CACNA2D1: variants seen among roughly 807,000 people sequenced by gnomAD.
CACNA2D1 encodes voltage-dependent calcium channel subunit alpha-2/delta-1.
In CACNA2D1, 53 loss-of-function variants were observed where a neutral mutation model predicts 171.5. The observed-to-expected ratio is 0.31, with a 90% CI of 0.25 to 0.39. The LOEUF is 0.39. CACNA2D1 is among the 10% of genes least tolerant of loss of function. The probability of loss-of-function intolerance (pLI) is 1.00; values close to 1 mark genes in which losing one functional copy is unlikely to be tolerated. For missense variants in CACNA2D1, 903 were observed against 1,299.8 expected, an observed-to-expected ratio of 0.69 and a Z score of 4.69; for synonymous variants, 442 against 443.1, an observed-to-expected ratio of 1.00 and a Z score of 0.03.
At chr7:82,119,857 TG>T (rs1789507725) in intron 5 of CACNA2D1, among the ~76,000 whole-genome samples, 1 of 152,190 alleles carries the variant, frequency 6.6e-6, no homozygotes, top group African/African-American at 2.4e-5. Flanking sequence ...TATCACAATT[TG>T]TATTTCTATC....
intron 1 of CACNA2D1, chr7:82,410,565 G>A: frequency 1.0e-6 from 1 of 980,408 alleles, no homozygotes. Flanking sequence ...CCAGGTGGCT[G>A]GCTTGCGACA....
At chr7:82,280,474 C>G (rs1367721474) in intron 3 of CACNA2D1, among the ~76,000 whole-genome samples, 1 of 152,140 alleles carries the variant, frequency 6.6e-6, no homozygotes, top group Non-Finnish European at 1.5e-5. Context: ...TTAATATATC[C>G]TGAAGAGCAC....
chr7:81,969,808 G>C, intron 28 of CACNA2D1, 73 bp downstream of exon 28: 2 of 813,032 alleles, frequency 2.5e-6, no homozygotes, highest in Non-Finnish European at 4.3e-6. Flanking sequence ...AGTGATTTGG[G>C]GGGAGAGCAG....
chr7:82,382,865 A>G (rs917700933), intron 1 of CACNA2D1, among the ~76,000 whole-genome samples: 4 of 152,212 alleles, frequency 2.6e-5, no homozygotes, highest in African/African-American at 9.6e-5. Context: ...TGTTCCACAA[A>G]CAAGAACGTA....
At chr7:81,978,770 T>TACAC (rs369514706) in intron 24 of CACNA2D1, among the ~76,000 whole-genome samples, 111 of 144,016 alleles carry the variant, frequency 7.7e-4, no homozygotes, top group Non-Finnish European at 1.4e-3. Context: ...TATATATATA[T>TACAC]ACACACACAC....
intron 13 of CACNA2D1, among the ~76,000 whole-genome samples, chr7:82,014,131 A>G (rs1331458992): frequency 6.6e-6 from 1 of 152,154 alleles, no homozygotes; most frequent in Non-Finnish European, 1.5e-5. Flanking sequence ...ATTTAAGATT[A>G]TATCTGATAT....
At chr7:82,296,146 T>C (rs1812260361) in intron 3 of CACNA2D1, among the ~76,000 whole-genome samples, 1 of 151,656 alleles carries the variant, frequency 6.6e-6, no homozygotes, top group Non-Finnish European at 1.5e-5. Context: ...CATTAGGAGA[T>C]ATACCTAATG....
intron 1 of CACNA2D1, among the ~76,000 whole-genome samples, chr7:82,365,000 C>T (rs1458662419): frequency 6.6e-6 from 1 of 152,142 alleles, no homozygotes; most frequent in African/African-American, 2.4e-5. Context: ...ATTTATAACA[C>T]AGCCACCTGG....
chr7:82,113,788 G>T (rs1422711356), intron 6 of CACNA2D1, among the ~76,000 whole-genome samples: 1 of 152,098 alleles, frequency 6.6e-6, no homozygotes, highest in African/African-American at 2.4e-5. Flanking sequence ...AGATCTTGTG[G>T]ACATTTCTGA....
In CACNA2D1 at chr7:82,176,273, A is replaced by G. The variant is rs148877959; in HGVS notation, c.295-5664T>C. On this transcript the variant is annotated intron_variant, in intron 3 of 38. Transcript: ENST00000356860. ...AATACTTCCATGAATATTGAGTATA[A>G]TATTCCATCTCAAAGGTAAAATGTT... 4.6e-3 allele frequency among the ~76,000 whole-genome samples: 706 copies of G among 152,158 alleles called. 1 individual carries two copies. Among genetic ancestry groups the G allele is most frequent in the Non-Finnish European group, 5.5e-3 (376 of 67,958 alleles).
intron 3 of CACNA2D1, among the ~76,000 whole-genome samples, chr7:82,172,616 CTTTTTTTTTTTT>C (rs55737158): frequency 1.6e-5 from 1 of 64,510 alleles, no homozygotes; most frequent in Non-Finnish European, 2.6e-5. Flanking sequence ...AGAAACCCGG[CTTTTTTTTTTTT>C]TTTTTTTTTT....
At chr7:81,973,618 TGA>T (rs1795525195) in intron 25 of CACNA2D1, among the ~76,000 whole-genome samples, 1 of 151,992 alleles carries the variant, frequency 6.6e-6, no homozygotes, top group South Asian at 2.1e-4. Flanking sequence ...GACTCCTCTT[TGA>T]GAGAGAACCA....
Position 81,967,615 on chromosome 7 carries a change from T to A in CACNA2D1, c.2444A>T (p.Lys815Ile), listed in dbSNP as rs1208602687. The A allele has an allele frequency of 6.6e-7, 1 of 1,512,480 alleles. No individual in the cohort carries two copies. Among genetic ancestry groups the A allele is most frequent in the Admixed American group, 1.7e-5 (1 of 58,556 alleles). 93.7% of individuals were successfully genotyped at this position (1,512,480 alleles called of 1,614,324 possible). ...DVNSWIENFT[K>I]TSIRDPCAGP... ...TCTTACCGGATCTCTGATTGAGGTTTTGGTGAAATTCTCTATCCAGGAATT... is the reference window on the plus strand; with the variant it reads ...TCTTACCGGATCTCTGATTGAGGTTATGGTGAAATTCTCTATCCAGGAATT... The change falls in exon 30 of 39, where the codon AAA (lysine) becomes ATA (isoleucine). Residue 815 changes from lysine (K) to isoleucine (I), a missense_variant. Around this residue, in one of 5 missense-constraint regions of CACNA2D1, gnomAD observed 623 missense variants for 925.5 expected, o/e 0.67. Transcript: ENST00000356860.
At chr7:81,959,232 C>T in intron 38 of CACNA2D1, 43 bp downstream of exon 38, 1 of 1,316,708 alleles carries the variant, frequency 7.6e-7, no homozygotes, top group East Asian at 2.3e-5. Context: ...GGACAGTGAC[C>T]ATTAATTTAT....
At chr7:82,153,845 T>C (rs74297439) in intron 4 of CACNA2D1, among the ~76,000 whole-genome samples, 7 of 147,858 alleles carry the variant, frequency 4.7e-5, no homozygotes, top group Non-Finnish European at 1.0e-4. Context: ...GAGCAAACTA[T>C]AAAAAAAAAA....
intron 16 of CACNA2D1, among the ~76,000 whole-genome samples, chr7:82,006,466 T>A (rs1799128566): frequency 6.6e-6 from 1 of 152,072 alleles, no homozygotes; most frequent in African/African-American, 2.4e-5. Context: ...CTATGGGACA[T>A]AAAGATGGAA....
intron 19 of CACNA2D1, 26 bp downstream of exon 19, chr7:81,997,153 T>G (rs779429013): frequency 2.3e-6 from 3 of 1,330,630 alleles, no homozygotes; most frequent in Non-Finnish European, 3.3e-6. Context: ...CCTGAGGAAT[T>G]GTTTAGTCTT....
At chr7:82,365,969 C>G (rs983505159) in intron 1 of CACNA2D1, among the ~76,000 whole-genome samples, 23 of 152,164 alleles carry the variant, frequency 1.5e-4, no homozygotes, top group African/African-American at 5.3e-4. Flanking sequence ...CAGGGGGCCT[C>G]TTTACTCCCT....
intron 3 of CACNA2D1, among the ~76,000 whole-genome samples, chr7:82,246,244 T>C (rs549800922): frequency 1.1e-4 from 17 of 151,142 alleles, no homozygotes; most frequent in African/African-American, 3.4e-4. Context: ...TATATATCTT[T>C]ATATATTTAT....
Sources: gnomAD v4.1 joint callset for allele counts (sites outside exome capture counted in the v4.1 genomes callset) on GRCh38, gnomAD v4.1.1 for gene constraint, gnomAD v4.1.1 regional missense constraint, MANE v1.5 for transcripts, NCBI Gene and HGNC (gene_info 2026-07-23, HGNC 2026-07-21) for gene names.